The following KALRN variants were observed in gnomAD, a reference collection of about 807,000 sequenced individuals.
KALRN encodes the protein kalirin RhoGEF kinase.
KALRN carries 70 observed loss-of-function variants against 353.7 expected under a neutral mutation model. The ratio of observed to expected loss-of-function variants is 0.20; its 90% confidence interval spans 0.16 to 0.24. The LOEUF (loss-of-function observed/expected upper bound fraction) is 0.24. KALRN is among the 10% of genes least tolerant of loss of function. The probability of loss-of-function intolerance (pLI) is 1.00; values close to 1 mark genes in which losing one functional copy is unlikely to be tolerated. For synonymous variants in KALRN, 1,391 were observed against 1,434.8 expected (o/e 0.97, Z 0.69); for missense variants, 2,791 against 3,756.7 (o/e 0.74, Z 6.72).
chr3:124,309,552 C>T (rs1007407255), intron 6 of KALRN, among the ~76,000 whole-genome samples: 1 of 151,854 alleles, frequency 6.6e-6, no homozygotes, highest in Admixed American at 6.6e-5. Flanking sequence ...CAGAGCAAGA[C>T]CCCATCTTTA....
chr3:124,448,749 A>G (rs75967969), intron 21 of KALRN, among the ~76,000 whole-genome samples: 3,322 of 152,274 alleles, frequency 0.022, 58 homozygotes, highest in Non-Finnish European at 0.035. Context: ...TCCTCCAGTA[A>G]TCTATGCAAT....
At chr3:124,509,837 A>G (rs112906328) in intron 33 of KALRN, among the ~76,000 whole-genome samples, 89 of 152,328 alleles carry the variant, frequency 5.8e-4, no homozygotes, top group African/African-American at 2.1e-3. Context: ...AGCCTTTCAA[A>G]TCTTAATTTT....
In KALRN at chr3:124,632,611, C is replaced by G; in HGVS notation, c.5374C>G (p.Gln1792Glu). 1.2e-6 allele frequency: 2 copies of G among 1,614,150 alleles called. No individual in the cohort carries two copies. The highest frequency in any genetic ancestry group is 2.2e-5 in the South Asian group (2 of 91,066). Residue 1792 changes from glutamine (Q) to glutamate (E), a missense_variant, in exon 35 of 60, where the codon CAG becomes GAG. Physicochemically the swap from Gln to Glu is conservative, Grantham distance 29 (BLOSUM62 2). Coordinates refer to ENST00000682506, the MANE Select transcript of KALRN (RefSeq NM_001388419.1). ...GAAGGCAGATGGAAACATCAAAAAG[C>G]AGAAGAAAGTTCGCGATGGTCGGAA... ...SGKADGNIKK[Q>E]KKVRDGRKSF...
At chr3:124,360,520 A>AT (rs529361130) in intron 10 of KALRN, among the ~76,000 whole-genome samples, 147 of 152,360 alleles carry the variant, frequency 9.6e-4, no homozygotes, top group African/African-American at 3.5e-3. Context: ...ATGTGACAAC[A>AT]TATTTTACCT....
intron 34 of KALRN, among the ~76,000 whole-genome samples, chr3:124,592,224 C>T (rs1416821450): frequency 6.6e-6 from 1 of 150,970 alleles, no homozygotes; most frequent in Non-Finnish European, 1.5e-5. Flanking sequence ...ATTGCTTGAA[C>T]CCGGGAAGCA....
intron 34 of KALRN, among the ~76,000 whole-genome samples, chr3:124,573,418 G>C (rs1334896098): frequency 6.6e-6 from 1 of 152,186 alleles, no homozygotes; most frequent in African/African-American, 2.4e-5. Context: ...CTTCTATAGG[G>C]CTGAGTACAG....
chr3:124,592,018 A>G (rs1197827161), intron 34 of KALRN, among the ~76,000 whole-genome samples: 1 of 152,202 alleles, frequency 6.6e-6, no homozygotes, highest in Non-Finnish European at 1.5e-5. Context: ...TACTGGCAAG[A>G]GTCTGGGCAT....
intron 34 of KALRN, among the ~76,000 whole-genome samples, chr3:124,580,570 A>G (rs557783618): frequency 6.6e-6 from 1 of 152,328 alleles, no homozygotes; most frequent in East Asian, 1.9e-4. Context: ...AGGCTGGAGA[A>G]TCTAGGCATC....
rs1288598674 is a variant in KALRN at position 124,033,758 on chromosome 3, A to T, written c.18A>T (p.Gly6=). 6.6e-6 allele frequency among the ~76,000 whole-genome samples: 1 copy of T among 151,950 alleles called. No individual in the cohort carries two copies. The highest frequency in any genetic ancestry group is 2.4e-5 in the African/African-American group (1 of 41,386). Residue 6 remains glycine (G), a synonymous_variant, in exon 1 of 60, where the codon GGA becomes GGT. Coordinates refer to ENST00000682506, the MANE Select transcript of KALRN (RefSeq NM_001388419.1). The surrounding 1 kb of genome is among the most constrained non-coding windows in gnomAD (Gnocchi z 6.2). ...CCACAGTCATGAACCCCCCTGAGGGAGCAGCGGAGGAAGGAGGAGCAGCAG... is the reference window on the plus strand; with the variant it reads ...CCACAGTCATGAACCCCCCTGAGGGTGCAGCGGAGGAAGGAGGAGCAGCAG... The part of the protein sequence containing the change: MNPPE[G]AAEEGGAADS...
chr3:124,407,961 G>C (rs897523061), intron 13 of KALRN, among the ~76,000 whole-genome samples: 1 of 152,000 alleles, frequency 6.6e-6, no homozygotes, highest in African/African-American at 2.4e-5. Flanking sequence ...TTTTAGTAGA[G>C]ACGGGGTTTC....
At chr3:124,110,659 T>G (rs900837361) in intron 1 of KALRN, among the ~76,000 whole-genome samples, 1 of 152,192 alleles carries the variant, frequency 6.6e-6, no homozygotes, top group African/African-American at 2.4e-5. Flanking sequence ...ATTTTTATTT[T>G]CTTTTGACAG....
intron 33 of KALRN, among the ~76,000 whole-genome samples, chr3:124,543,845 C>G (rs1033605254): frequency 1.3e-5 from 2 of 151,976 alleles, no homozygotes; most frequent in African/African-American, 4.8e-5. Flanking sequence ...AAAAGAAAGA[C>G]AAGGGAAAAA....
chr3:124,158,636 G>A (rs1032362797), intron 1 of KALRN, among the ~76,000 whole-genome samples: 1 of 152,122 alleles, frequency 6.6e-6, no homozygotes, highest in African/African-American at 2.4e-5. Flanking sequence ...AACTCATCAT[G>A]TTAATGGGAA....
At chr3:124,694,601 C>A in intron 53 of KALRN, 98 bp downstream of exon 53, 1 of 1,210,886 alleles carries the variant, frequency 8.3e-7, no homozygotes, top group Non-Finnish European at 1.2e-6. Context: ...GGTGACTGGG[C>A]TCTGCAAGAG....
At chr3:124,153,894 C>T (rs879079066) in intron 1 of KALRN, among the ~76,000 whole-genome samples, 1 of 151,808 alleles carries the variant, frequency 6.6e-6, no homozygotes, top group East Asian at 1.9e-4. Flanking sequence ...TTTCATGTGT[C>T]TTTTGGCTGC....
chr3:124,717,319 T>C lies in KALRN; in HGVS notation c.8349T>C (p.Tyr2783=). The C allele has an allele frequency of 6.2e-7, 1 of 1,612,790 alleles. No homozygotes were observed. The highest frequency in any genetic ancestry group is 1.1e-5 in the South Asian group (1 of 90,878). The change falls in exon 59 of 60, where the codon TAT becomes TAC. Residue 2783 remains tyrosine (Y), a synonymous_variant. Transcript: ENST00000682506. ...DELMEEKVAF[Y]IRDIMEALQY... is the part of the protein sequence containing the mutation. ...TGATGGAGGAAAAAGTAGCTTTCTATATCCGAGACATCATGGAGGCTCTGC... is the reference window on the plus strand; with the variant it reads ...TGATGGAGGAAAAAGTAGCTTTCTACATCCGAGACATCATGGAGGCTCTGC...
chr3:124,315,709 G>C (rs537962235), intron 6 of KALRN, among the ~76,000 whole-genome samples: 1 of 151,702 alleles, frequency 6.6e-6, no homozygotes, highest in Non-Finnish European at 1.5e-5. Context: ...CTTGTTCTCC[G>C]TCAGGTCTGC....
chr3:124,079,126 GTTC>G (rs1235972927), intron 1 of KALRN, among the ~76,000 whole-genome samples: 2 of 152,226 alleles, frequency 1.3e-5, no homozygotes, highest in African/African-American at 2.4e-5. Context: ...CCTACAGATA[GTTC>G]TTCTTGGGTC....
chr3:124,398,328 G>T (rs183908296), intron 12 of KALRN, among the ~76,000 whole-genome samples: 2,324 of 152,260 alleles, frequency 0.015, 33 homozygotes, highest in African/African-American at 0.043. Context: ...GTGTGTGTGT[G>T]TTGGAACTAT....
Sources: allele counts gnomAD v4.1 joint callset (sites outside exome capture counted in the v4.1 genomes callset), GRCh38; gene constraint gnomAD v4.1.1; non-coding constraint Gnocchi (gnomAD v3.1); transcripts MANE v1.5; gene names NCBI Gene and HGNC (gene_info 2026-07-23, HGNC 2026-07-21).